The following EBPL variants were observed in gnomAD, a reference collection of about 807,000 sequenced individuals.
The protein encoded by EBPL is EBP like, also known as emopamil-binding protein-like.
EBPL carries 20 observed loss-of-function variants against 19.0 expected under a neutral mutation model. That is an observed-to-expected ratio of 1.05 (90% confidence interval 0.74 to 1.53). The LOEUF is 1.53. Among genes scored for constraint, EBPL ranks in the 40% most tolerant of loss-of-function variants. The pLI, the probability that EBPL is intolerant of heterozygous loss-of-function variation, is 0.00. For missense variants in EBPL, 219 were observed against 261.1 expected (o/e 0.84, Z 1.11); for synonymous variants, 107 against 117.0 (o/e 0.91, Z 0.55).
intron 3 of EBPL, chr13:49,661,732 A>G: frequency 6.9e-7 from 1 of 1,456,692 alleles, no homozygotes; most frequent in South Asian, 1.5e-5. Context: ...CATGGAGTGA[A>G]AAATACGTCA....
At chr13:49,690,968 G>A (rs923859138) in intron 1 of EBPL, among the ~76,000 whole-genome samples, 1 of 152,178 alleles carries the variant, frequency 6.6e-6, no homozygotes, top group Non-Finnish European at 1.5e-5. Context: ...TTACAAAGCC[G>A]AGGAAGCTGA....
At position 49,691,352 on chromosome 13, in the gene EBPL, C is replaced by A; in HGVS notation, c.73G>T (p.Gly25Cys). 1 of 1,356,810 alleles carries A rather than the reference C, an allele frequency of 7.4e-7. No homozygotes were observed. The highest frequency in any genetic ancestry group is 9.5e-7 in the Non-Finnish European group (1 of 1,050,774). 84.0% of individuals were successfully genotyped at this position (1,356,810 alleles called of 1,614,324 possible). Residue 25 changes from glycine to cysteine, a missense_variant, in exon 1 of 4, where the codon GGC becomes TGC. Coordinates refer to ENST00000242827, the MANE Select transcript of EBPL (RefSeq NM_032565.5). ...LLLCAALLAA[G>C]CALGLRLGRG... ...CCCAGGCGCAGGCCCAGGGCGCAGC[C>A]CGCCGCCAGCAGCGCGGCGCACAGC...
chr13:49,685,631 T>C (rs1018600150), intron 1 of EBPL, among the ~76,000 whole-genome samples: 5 of 151,932 alleles, frequency 3.3e-5, no homozygotes, highest in African/African-American at 1.2e-4. Context: ...TCTCAGCACT[T>C]TGGGAGGCTG....
intron 1 of EBPL, among the ~76,000 whole-genome samples, chr13:49,680,370 T>C (rs1227288062): frequency 2.6e-5 from 4 of 152,148 alleles, no homozygotes. Context: ...CACTTTCCAG[T>C]ACTTCAGCAG....
At chr13:49,664,207 G>A (rs1249635860) in intron 2 of EBPL, among the ~76,000 whole-genome samples, 7 of 152,198 alleles carry the variant, frequency 4.6e-5, no homozygotes, top group Non-Finnish European at 7.3e-5. Context: ...AACCGAGATC[G>A]CACCACTGCA....
chr13:49,686,598 A>G, intron 1 of EBPL: 2 of 1,288,950 alleles, frequency 1.6e-6, no homozygotes, highest in South Asian at 2.5e-5. Context: ...ACTCTCTCCT[A>G]GGATAGATAT....
intron 2 of EBPL, chr13:49,668,683 C>G: frequency 2.7e-6 from 1 of 364,320 alleles, no homozygotes; most frequent in South Asian, 2.1e-5. Flanking sequence ...AAAAAAAATA[C>G]CTGTTGGTAT....
At chr13:49,684,566 T>C (rs977625021) in intron 1 of EBPL, among the ~76,000 whole-genome samples, 2 of 152,050 alleles carry the variant, frequency 1.3e-5, no homozygotes, top group African/African-American at 4.8e-5. Flanking sequence ...TCCCAGCTAT[T>C]TGGGAGGCTG....
chr13:49,675,256 T>C (rs1308095180), intron 1 of EBPL, among the ~76,000 whole-genome samples: 4 of 152,226 alleles, frequency 2.6e-5, no homozygotes, highest in African/African-American at 7.2e-5. Flanking sequence ...CTGAATACTG[T>C]AGGAAATTAT....
intron 2 of EBPL, among the ~76,000 whole-genome samples, chr13:49,667,160 C>T (rs894056346): frequency 3.3e-4 from 50 of 152,304 alleles, no homozygotes; most frequent in African/African-American, 1.2e-3. Flanking sequence ...CCTGTGGCAT[C>T]TCCCTCTGGC....
At chr13:49,686,977 GAGGCTTCACTATGTTAGCA>G (rs1409821634) in intron 1 of EBPL, among the ~76,000 whole-genome samples, 7 of 152,164 alleles carry the variant, frequency 4.6e-5, no homozygotes, top group African/African-American at 1.2e-4. Context: ...TCGTAGAGAT[GAGGCTTCACTATGTTAGCA>G]AGGCCTCACT....
At chr13:49,680,694 C>T (rs1044178920) in intron 1 of EBPL, among the ~76,000 whole-genome samples, 19 of 152,186 alleles carry the variant, frequency 1.2e-4, no homozygotes, top group African/African-American at 4.3e-4. Context: ...TGGTGGCACG[C>T]GACTGTAGTC....
intron 2 of EBPL, among the ~76,000 whole-genome samples, chr13:49,665,383 TGCCTCA>T: frequency 6.6e-6 from 1 of 152,286 alleles, no homozygotes; most frequent in East Asian, 1.9e-4. Context: ...GCAATTCTCC[TGCCTCA>T]GCCTCCCAAG....
intron 1 of EBPL, among the ~76,000 whole-genome samples, chr13:49,674,942 A>G (rs1953860395): frequency 6.6e-6 from 1 of 152,200 alleles, no homozygotes; most frequent in Non-Finnish European, 1.5e-5. Context: ...TTCTAAAACT[A>G]AAACAATGTG....
intron 1 of EBPL, among the ~76,000 whole-genome samples, chr13:49,675,693 A>G (rs758851322): frequency 1.3e-5 from 2 of 152,174 alleles, no homozygotes; most frequent in Non-Finnish European, 2.9e-5. Context: ...CCTGGTTTCA[A>G]TTCCTTTGGG....
intron 1 of EBPL, among the ~76,000 whole-genome samples, chr13:49,681,556 G>T (rs1953943422): frequency 6.6e-6 from 1 of 152,206 alleles, no homozygotes; most frequent in African/African-American, 2.4e-5. Flanking sequence ...CTCCCAAAAT[G>T]CAGGGATTAC....
chr13:49,674,412 T>G (rs2137496610), intron 1 of EBPL, among the ~76,000 whole-genome samples: 1 of 152,246 alleles, frequency 6.6e-6, no homozygotes, highest in East Asian at 1.9e-4. Context: ...CTGAAAATAA[T>G]TTTTTAAAAA....
At chr13:49,684,313 A>G (rs6561551) in intron 1 of EBPL, among the ~76,000 whole-genome samples, 103,009 of 152,150 alleles carry the variant, frequency 0.68, 35,419 homozygotes, top group East Asian at 0.76. Context: ...AAAGTGGCTG[A>G]TAACCATACA....
intron 1 of EBPL, among the ~76,000 whole-genome samples, chr13:49,679,006 TAAAA>T (rs71188373): frequency 1.6e-4 from 15 of 95,188 alleles, no homozygotes; most frequent in African/African-American, 3.1e-4. Flanking sequence ...AGACTCCGTC[TAAAA>T]AAAAAAAAAG....
Sources: gnomAD v4.1 joint callset for allele counts (sites outside exome capture counted in the v4.1 genomes callset) on GRCh38, gnomAD v4.1.1 for gene constraint, MANE v1.5 for transcripts, NCBI Gene and HGNC (gene_info 2026-07-23, HGNC 2026-07-21) for gene names.